The following CUX1 variants were observed in gnomAD, a reference collection of about 807,000 sequenced individuals.
CUX1 encodes the protein cut like homeobox 1, also known as protein CASP.
CUX1 carries 31 observed loss-of-function variants against 158.8 expected under a neutral mutation model. That is an observed-to-expected ratio of 0.20 (90% confidence interval 0.15 to 0.26). The LOEUF (loss-of-function observed/expected upper bound fraction) is 0.26. Ranked by LOEUF, CUX1 falls within the 10% of genes least tolerant of loss-of-function variation. The probability of loss-of-function intolerance (pLI) is 1.00; values close to 1 mark genes in which losing one functional copy is unlikely to be tolerated. For synonymous variants in CUX1, 879 were observed against 862.1 expected (o/e 1.02, Z -0.34); for missense variants, 1,589 against 2,014.6 (o/e 0.79, Z 4.04).
rs1198122974 is a variant in CUX1, at chr7:102,253,162, C to T, written c.*4120C>T. The T allele has an allele frequency of 1.5e-5, 15 of 985,442 alleles. No individual in the cohort carries two copies. The highest frequency in any genetic ancestry group is 1.7e-5 in the African/African-American group (1 of 57,252). The allele number at this position is 985,442 out of a possible 1,614,324, so 61.0% of individuals were successfully genotyped here. A position where few individuals can be genotyped will look rare whatever the true frequency, so the allele number is the denominator to read the frequency against. On this transcript the variant is annotated 3_prime_UTR_variant, in exon 24 of 24. Transcript: ENST00000292535. ...TCTTCCCATTGAAAAACCATCCTGT[C>T]TGATGTGGACGTTCAGGTCTGCTGG...
chr7:102,015,052 T>G (rs1563132237), intron 2 of CUX1, among the ~76,000 whole-genome samples: 1 of 152,104 alleles, frequency 6.6e-6, no homozygotes, highest in African/African-American at 2.4e-5. Flanking sequence ...GTGAAGCTAG[T>G]AAATATTAAT....
At chr7:102,057,317 T>C (rs916067128) in intron 3 of CUX1, among the ~76,000 whole-genome samples, 1 of 152,252 alleles carries the variant, frequency 6.6e-6, no homozygotes, top group African/African-American at 2.4e-5. Flanking sequence ...ACCTGCATTC[T>C]ACAGCACATG....
At chr7:101,998,987 G>T (rs1816334670) in intron 2 of CUX1, among the ~76,000 whole-genome samples, 1 of 152,066 alleles carries the variant, frequency 6.6e-6, no homozygotes, top group South Asian at 2.1e-4. Flanking sequence ...CCCTCCTCGG[G>T]CAGGAGCCTA....
At chr7:102,027,867 A>G (rs1164597694) in intron 2 of CUX1, among the ~76,000 whole-genome samples, 2 of 152,230 alleles carry the variant, frequency 1.3e-5, no homozygotes, top group African/African-American at 4.8e-5. Flanking sequence ...GTCTTCAACA[A>G]CAAGAACAAC....
intron 2 of CUX1, among the ~76,000 whole-genome samples, chr7:101,999,252 T>C (rs1299162716): frequency 9.0e-6 from 1 of 111,118 alleles, no homozygotes; most frequent in African/African-American, 3.4e-5. Flanking sequence ...AGATGGGGTC[T>C]TGCTTGTTGC....
At chr7:102,153,471 G>A (rs1363493964) in intron 8 of CUX1, 2 of 152,248 alleles carry the variant, frequency 1.3e-5, no homozygotes, top group African/African-American at 2.4e-5. Context: ...CTGCACCCAG[G>A]GAGACGGTGT....
At chr7:101,943,845 C>T (rs1808025383) in intron 2 of CUX1, among the ~76,000 whole-genome samples, 1 of 151,804 alleles carries the variant, frequency 6.6e-6, no homozygotes, top group Admixed American at 6.6e-5. Context: ...AGGCCGAGTG[C>T]CATGGCTGAC....
chr7:101,971,240 T>C (rs1207086570), intron 2 of CUX1, among the ~76,000 whole-genome samples: 1 of 152,206 alleles, frequency 6.6e-6, no homozygotes, highest in African/African-American at 2.4e-5. Context: ...CCCTCCTGGC[T>C]GGTTGTGTTC....
downstream of CUX1, among the ~76,000 whole-genome samples, chr7:102,258,991 G>A (rs887950079): frequency 1.3e-5 from 2 of 152,216 alleles, no homozygotes; most frequent in Non-Finnish European, 2.9e-5. Flanking sequence ...TCTTGGGTTG[G>A]AAAAGAGCTG....
At chr7:102,160,765 G>C (rs560469518) in intron 9 of CUX1, among the ~76,000 whole-genome samples, 1 of 152,144 alleles carries the variant, frequency 6.6e-6, no homozygotes, top group Non-Finnish European at 1.5e-5. Flanking sequence ...AAAGTGCCAC[G>C]GTGACTGCCA....
At chr7:102,041,944 T>G (rs1369831859) in intron 3 of CUX1, among the ~76,000 whole-genome samples, 1 of 152,106 alleles carries the variant, frequency 6.6e-6, no homozygotes, top group Non-Finnish European at 1.5e-5. Context: ...TATCTCTCCC[T>G]TTTGGTTTTG....
At chr7:102,078,816 T>C (rs1378178901) in intron 4 of CUX1, among the ~76,000 whole-genome samples, 1 of 152,082 alleles carries the variant, frequency 6.6e-6, no homozygotes, top group African/African-American at 2.4e-5. Context: ...CATTCCATTT[T>C]CAGAGCCTGC....
At chr7:102,067,229 C>CTTTTTTTTTTT (rs34912215) in intron 3 of CUX1, among the ~76,000 whole-genome samples, 2 of 94,018 alleles carry the variant, frequency 2.1e-5, no homozygotes, top group Non-Finnish European at 3.9e-5. Context: ...TTTCATGTAA[C>CTTTTTTTTTTT]TTTTTTTTTT....
intron 14 of CUX1, among the ~76,000 whole-genome samples, chr7:102,266,602 C>T (rs1320706444): frequency 6.6e-6 from 1 of 152,022 alleles, no homozygotes; most frequent in African/African-American, 2.4e-5. Flanking sequence ...GAGGCATCTG[C>T]GGATGGTCCC....
intron 7 of CUX1, among the ~76,000 whole-genome samples, chr7:102,112,226 ACTTCTTTCTCTC>A (rs1830972895): frequency 6.7e-6 from 1 of 149,998 alleles, no homozygotes; most frequent in Admixed American, 6.6e-5. Context: ...GTATCTTTAA[ACTTCTTTCTCTC>A]TCTCTTTTTT....
intron 23 of CUX1, among the ~76,000 whole-genome samples, chr7:102,241,307 A>T (rs1306997042): frequency 2.0e-5 from 3 of 152,084 alleles, no homozygotes; most frequent in Non-Finnish European, 4.4e-5. Flanking sequence ...AGAAACCAAG[A>T]ATTCCAGGGC....
At chr7:102,036,967 G>GGC (rs1563160479) in intron 3 of CUX1, among the ~76,000 whole-genome samples, 3 of 152,218 alleles carry the variant, frequency 2.0e-5, no homozygotes, top group African/African-American at 4.8e-5. Context: ...GAAGCAAGCA[G>GGC]TTCCCTTGAG....
In CUX1 at chr7:102,176,280, C is replaced by T. The variant is rs539109226; in HGVS notation, c.829-2189C>T. On this transcript the variant is annotated intron_variant, in intron 10 of 23. Coordinates refer to ENST00000292535, the MANE Select transcript of CUX1 (RefSeq NM_181552.4). ...AATTTGAAAATCCGTGGTGAGCACA[C>T]GGTGCATGGGATGGCCCAGCTGTAC... is the stretch of plus-strand genomic sequence containing the variant. Among the ~76,000 whole-genome samples, 266 of 152,288 alleles carry T rather than the reference C, an allele frequency of 1.7e-3. 4 individuals carry two copies. The South Asian group carries it at 0.034, about 19-fold the overall frequency.
At chr7:102,273,640 C>A in intron 15 of CUX1, 1 of 1,037,554 alleles carries the variant, frequency 9.6e-7, no homozygotes, top group Non-Finnish European at 1.4e-6. Flanking sequence ...TGGGTTCTCC[C>A]TGCTTACTCC....
Sources: allele counts gnomAD v4.1 joint callset (sites outside exome capture counted in the v4.1 genomes callset), GRCh38; gene constraint gnomAD v4.1.1; transcripts MANE v1.5; gene names NCBI Gene and HGNC (gene_info 2026-07-23, HGNC 2026-07-21).